Variants in DPP6 observed in about 807,000 individuals in gnomAD.
The protein encoded by DPP6 is A-type potassium channel modulatory protein DPP6.
A neutral mutation model predicts 122.6 loss-of-function variants in DPP6; 69 were observed. The observed-to-expected ratio is 0.56, with a 90% confidence interval of 0.46 to 0.69. The LOEUF is 0.69. DPP6 is among the 30% of genes least tolerant of loss of function. The pLI is 0.00. For synonymous variants in DPP6, 418 were observed against 433.1 expected (o/e 0.97, Z 0.43); for missense variants, 928 against 1,116.9 (o/e 0.83, Z 2.41).
chr7:153,909,600 T>C (rs1406907471), intron 1 of DPP6, among the ~76,000 whole-genome samples: 1 of 152,164 alleles, frequency 6.6e-6, no homozygotes, highest in African/African-American at 2.4e-5. Context: ...TACCACTGCA[T>C]GGAAGAATTA....
chr7:153,865,967 A>G, the DPP6 span, among the ~76,000 whole-genome samples: 2 of 152,134 alleles, frequency 1.3e-5, no homozygotes, highest in African/African-American at 4.8e-5. Context: ...CCATGTCCCT[A>G]TAAAGGACAT....
intron 3 of DPP6, among the ~76,000 whole-genome samples, chr7:154,500,393 G>C (rs549963742): frequency 5.9e-5 from 9 of 152,310 alleles, no homozygotes; most frequent in South Asian, 4.1e-4. Flanking sequence ...GGAATAGTGA[G>C]AGATAAAGCT....
At chr7:154,772,026 A>G (rs2150382171) in intron 9 of DPP6, among the ~76,000 whole-genome samples, 1 of 152,278 alleles carries the variant, frequency 6.6e-6, no homozygotes, top group Admixed American at 6.5e-5. Context: ...TCCCCAGTCT[A>G]GGAGTGATAA....
At chr7:154,864,656 G>A (rs1803697779) in intron 17 of DPP6, among the ~76,000 whole-genome samples, 1 of 152,244 alleles carries the variant, frequency 6.6e-6, no homozygotes, top group African/African-American at 2.4e-5. Context: ...GGGACAGTCA[G>A]CTCTCTGCTG....
intron 2 of DPP6, among the ~76,000 whole-genome samples, chr7:154,470,262 T>C (rs1014480703): frequency 3.3e-5 from 5 of 152,194 alleles, no homozygotes; most frequent in African/African-American, 1.2e-4. Context: ...AGCAGCTCAG[T>C]AGCTCAATGT....
At chr7:154,473,053 A>G (rs2151343514) in intron 2 of DPP6, among the ~76,000 whole-genome samples, 1 of 152,282 alleles carries the variant, frequency 6.6e-6, no homozygotes, top group South Asian at 2.1e-4. Flanking sequence ...TAGATACCTT[A>G]AGTTGCATGG....
intron 8 of DPP6, among the ~76,000 whole-genome samples, chr7:154,768,941 G>A (rs1486662172): frequency 6.6e-6 from 1 of 152,102 alleles, no homozygotes; most frequent in Non-Finnish European, 1.5e-5. Context: ...GTAAATCCCT[G>A]GTCTGCTTTT....
chr7:154,279,103 C>T (rs745359043), intron 1 of DPP6, among the ~76,000 whole-genome samples: 3 of 147,798 alleles, frequency 2.0e-5, no homozygotes, highest in Non-Finnish European at 3.0e-5. Context: ...CATGTGTGTG[C>T]ATTGTGTATA....
Position 154,875,910 on chromosome 7 carries a change from G to A in DPP6, c.1888G>A (p.Gly630Ser), listed in dbSNP as rs2150654585. ...AGCCCGGGATTCTCTTTCCAGGGAT[G>A]GCACCCCAGGCAGCCAGAGTGTGGC... ...THYPLLLVVD[G>S]TPGSQSVAEK... Residue 630 changes from glycine to serine, a missense_variant, in exon 20 of 26, where the codon GGC becomes AGC. Transcript: ENST00000377770. The surrounding 1 kb of genome is among the most constrained non-coding windows in gnomAD (Gnocchi z 4.5). 1.2e-6 allele frequency: 2 copies of A among 1,608,758 alleles called. No homozygotes were observed. The highest frequency in any genetic ancestry group is 1.7e-6 in the Non-Finnish European group (2 of 1,177,762).
chr7:153,862,354 G>A, the DPP6 span, among the ~76,000 whole-genome samples: 2 of 152,204 alleles, frequency 1.3e-5, no homozygotes. Flanking sequence ...TGGCCTGTTA[G>A]CAGCAAAGTC....
intron 1 of DPP6, among the ~76,000 whole-genome samples, chr7:154,070,997 A>G (rs866485185): frequency 6.6e-5 from 10 of 152,222 alleles, no homozygotes; most frequent in Admixed American, 3.3e-4. Context: ...AACATATAGT[A>G]TGAAATAGTA....
At position 154,431,366 on chromosome 7, in the gene DPP6, C is replaced by G. The variant is rs1818349515; in HGVS notation, c.244-14848C>G. Among the ~76,000 whole-genome samples, 4 of 152,190 alleles carry G rather than the reference C, an allele frequency of 2.6e-5. No individual in the cohort carries two copies. In the South Asian group the frequency reaches 8.3e-4, roughly 32 times the overall value. ...AAAAGGCAGGCGGACAGTGGAAGAA[C>G]ACTCCAGGCCCCCAGCTCCAAAGGC... On this transcript the variant is annotated intron_variant, in intron 1 of 25. Coordinates refer to ENST00000377770, the MANE Select transcript of DPP6 (RefSeq NM_130797.4).
intron 16 of DPP6, among the ~76,000 whole-genome samples, chr7:154,830,703 G>A (rs995326827): frequency 2.0e-5 from 3 of 152,182 alleles, no homozygotes; most frequent in Non-Finnish European, 4.4e-5. Flanking sequence ...TTGATCAGAT[G>A]GCTTGCAGGG....
intron 1 of DPP6, among the ~76,000 whole-genome samples, chr7:154,226,365 A>G (rs1336377846): frequency 6.6e-6 from 1 of 152,184 alleles, no homozygotes; most frequent in Non-Finnish European, 1.5e-5. Context: ...TCAGATGTAA[A>G]CAGCAGGGTT....
intron 1 of DPP6, among the ~76,000 whole-genome samples, chr7:154,098,438 T>A (rs1327292590): frequency 6.6e-6 from 1 of 152,238 alleles, no homozygotes; most frequent in African/African-American, 2.4e-5. Flanking sequence ...GAATTTGCGG[T>A]CATCTTTTTT....
rs765531360 is a variant in DPP6 at position 154,892,874 on chromosome 7, C to T, written c.*394C>T. ...ACCCGCCCACACTAGCCTCTGTGTT[C>T]CCGTTAGGGACATCACACCCTGTCT... On this transcript the variant is annotated 3_prime_UTR_variant, in exon 26 of 26. Transcript: ENST00000377770. The T allele has an allele frequency of 3.8e-6, 2 of 531,994 alleles. No individual in the cohort carries two copies. Among genetic ancestry groups the T allele is most frequent in the East Asian group, 1.0e-4 (2 of 19,336 alleles). 33.0% of individuals were successfully genotyped at this position (531,994 alleles called of 1,614,324 possible).
chr7:154,683,684 C>A (rs2131180038), intron 7 of DPP6, among the ~76,000 whole-genome samples: 1 of 152,260 alleles, frequency 6.6e-6, no homozygotes, highest in African/African-American at 2.4e-5. Flanking sequence ...AGAACCCAAA[C>A]CCCTTCACAT....
intron 8 of DPP6, among the ~76,000 whole-genome samples, chr7:154,739,128 C>A (rs1381648338): frequency 6.6e-6 from 1 of 152,130 alleles, no homozygotes; most frequent in African/African-American, 2.4e-5. Context: ...CTGGGAATGA[C>A]CCTGGCACTT....
intron 1 of DPP6, among the ~76,000 whole-genome samples, chr7:154,033,181 A>ACCAGGGCT (rs1383863175): frequency 1.3e-5 from 2 of 152,218 alleles, no homozygotes; most frequent in Non-Finnish European, 2.9e-5. Flanking sequence ...AGGTTCGGCC[A>ACCAGGGCT]CCAGGGCTCC....
Sources: allele counts gnomAD v4.1 joint callset (sites outside exome capture counted in the v4.1 genomes callset), GRCh38; gene constraint gnomAD v4.1.1; non-coding constraint Gnocchi (gnomAD v3.1); transcripts MANE v1.5; gene names NCBI Gene and HGNC (gene_info 2026-07-23, HGNC 2026-07-21).